TOP2A: variants seen among roughly 807,000 people sequenced by gnomAD.
TOP2A encodes the protein DNA topoisomerase II alpha.
In TOP2A, 68 loss-of-function variants were observed where a neutral mutation model predicts 187.2. The ratio of observed to expected loss-of-function variants is 0.36; its 90% CI spans 0.30 to 0.44. TOP2A has a LOEUF of 0.44. TOP2A is among the 20% of genes least tolerant of loss of function. TOP2A has a pLI of 1.00. For synonymous variants in TOP2A, 542 were observed against 593.2 expected (o/e 0.91, Z 1.25); for missense variants, 1,196 against 1,808.7 (o/e 0.66, Z 6.14).
chr17:40,402,783 G>A, intron 20 of TOP2A, 123 bp downstream of exon 20: 1 of 1,016,004 alleles, frequency 9.8e-7, no homozygotes, highest in Non-Finnish European at 1.4e-6. Context: ...CCTCACCCCT[G>A]GCCTCTGCCA....
chr17:40,395,587 A>AT (rs1159083602), intron 28 of TOP2A, 48 bp from the exon 29 acceptor site: 4 of 1,358,842 alleles, frequency 2.9e-6, no homozygotes, highest in Non-Finnish European at 4.1e-6. Context: ...ATTCTGAACT[A>AT]TGGGATTAGA....
Position 40,398,773 on chromosome 17 carries a change from T to C in TOP2A, c.3453A>G (p.Lys1151=). 6.2e-7 allele frequency: 1 copy of C among 1,608,124 alleles called. No homozygotes were observed. The highest frequency in any genetic ancestry group is 2.2e-5 in the East Asian group (1 of 44,810). ...KDELCRLRNE[K]EQELDTLKRK... is the part of the protein sequence containing the mutation. ...ATGTACCATCCTACTATCAACTCAC[T>C]TTTTCATTTCTTAGCCTGCAGAGTT... Residue 1151 remains lysine (K), a splice_region_variant and synonymous_variant, in exon 26 of 35, where the codon AAA becomes AAG. Coordinates refer to ENST00000423485, the MANE Select transcript of TOP2A (RefSeq NM_001067.4).
chr17:40,416,471 C>A lies in TOP2A; in HGVS notation c.219G>T (p.Arg73Ser). Residue 73 changes from arginine to serine, a missense_variant, in exon 3 of 35, where the codon AGG becomes AGT. Arg to Ser is a moderately radical substitution (Grantham distance 110, BLOSUM62 -1). Transcript: ENST00000423485. ...ACAAACCAGGAACAAAAGTGACTTC[C>A]CTATAGTTAATGCCAACATCTTCAT... The part of the protein sequence containing the change: ...VYDEDVGINY[R>S]EVTFVPGLYK... The A allele has an allele frequency of 6.2e-7, 1 of 1,605,304 alleles. No individual in the cohort carries two copies. The highest frequency in any genetic ancestry group is 1.1e-5 in the South Asian group (1 of 89,636).
Position 40,400,984 on chromosome 17 carries a change from T to C in TOP2A, c.2530A>G (p.Ile844Val), listed in dbSNP as rs377483360. 3.0e-5 allele frequency: 48 copies of C among 1,613,826 alleles called. No homozygotes were observed. The highest frequency in any genetic ancestry group is 2.9e-4 in the African/African-American group (22 of 74,904). The part of the protein sequence containing the change: ...QRVEPEWYIP[I>V]IPMVLINGAE... ...CCATTTATCAGCACCATGGGAATAATAGGAATGTACCATTCAGGCTCAACA... is the reference window on the plus strand; with the variant it reads ...CCATTTATCAGCACCATGGGAATAACAGGAATGTACCATTCAGGCTCAACA... Residue 844 changes from isoleucine to valine, a missense_variant, in exon 21 of 35, where the codon ATT becomes GTT. Coordinates refer to ENST00000423485, the MANE Select transcript of TOP2A (RefSeq NM_001067.4).
chr17:40,397,871 C>T (rs1475203312), intron 27 of TOP2A, among the ~76,000 whole-genome samples: 1 of 148,964 alleles, frequency 6.7e-6, no homozygotes, highest in Non-Finnish European at 1.5e-5. Context: ...ATCTGCCTCC[C>T]GAGTTCAAGT....
Position 40,399,929 on chromosome 17 carries a change from T to G in TOP2A, c.3139A>C (p.Lys1047Gln), listed in dbSNP as rs1767291147. ...LLGMLGAESA[K>Q]LNNQARFILE... ...ATAAAGCGAGCCTGATTATTCAGTTTAGCAGATTCAGCACCAAGCATTCCT... is the reference window on the plus strand; with the variant it reads ...ATAAAGCGAGCCTGATTATTCAGTTGAGCAGATTCAGCACCAAGCATTCCT... The change falls in exon 24 of 35, where the codon AAA becomes CAA. Residue 1047 changes from lysine to glutamine, a missense_variant. Lys to Gln is a moderately conservative substitution (Grantham distance 53). This residue lies in a region of TOP2A where 232 missense variants were observed against 306.1 expected (regional missense o/e 0.76). Coordinates refer to ENST00000423485, the MANE Select transcript of TOP2A (RefSeq NM_001067.4). 4 of 1,612,616 alleles carry G rather than the reference T, an allele frequency of 2.5e-6. No homozygotes were observed. Among genetic ancestry groups the G allele is most frequent in the Non-Finnish European group, 2.5e-6 (3 of 1,179,346 alleles).
At chr17:40,398,989 T>C in intron 25 of TOP2A, 51 bp downstream of exon 25, 3 of 1,598,324 alleles carry the variant, frequency 1.9e-6, no homozygotes, top group South Asian at 1.1e-5. Context: ...AACATAAACA[T>C]TGTACAATAC....
In TOP2A at chr17:40,417,520, C is replaced by T. The variant is rs1278729952; in HGVS notation, c.21+251G>A. 9.2e-6 allele frequency: 13 copies of T among 1,419,466 alleles called. No individual in the cohort carries two copies. In the East Asian group the frequency reaches 3.0e-4, roughly 33 times the overall value. The allele number at this position is 1,419,466 out of a possible 1,614,324, so 87.9% of individuals were successfully genotyped here. A position where few individuals can be genotyped will look rare whatever the true frequency, so the allele number is the denominator to read the frequency against. On this transcript the variant is annotated intron_variant, in intron 1 of 34. Transcript: ENST00000423485. ...GCTGTAACATGGATCCACTACGGGACCAACGGACTCCTGCCCCTAGAAACA... is the reference window on the plus strand; with the variant it reads ...GCTGTAACATGGATCCACTACGGGATCAACGGACTCCTGCCCCTAGAAACA...
In TOP2A at chr17:40,400,908, A is replaced by G; in HGVS notation, c.2606T>C (p.Val869Ala). 6.2e-7 allele frequency: 1 copy of G among 1,614,008 alleles called. No individual in the cohort carries two copies. The highest frequency in any genetic ancestry group is 1.1e-5 in the South Asian group (1 of 91,088). The stretch of plus-strand genomic sequence containing the variant: ...CCTGATGTTATTTACAATTTCACGC[A>G]CATCAAAGTTGGGGATTTTGCAGGA... ...GWSCKIPNFDVREIVNNIRRL... is the reference protein window; with the variant it reads ...GWSCKIPNFDAREIVNNIRRL... Residue 869 changes from valine (V) to alanine (A), a missense_variant, in exon 21 of 35, where the codon GTG (valine) becomes GCG (alanine). By Grantham distance (64) the Val-to-Ala change is moderately conservative. This residue lies in a region of TOP2A where 232 missense variants were observed against 306.1 expected (regional missense o/e 0.76). Transcript: ENST00000423485.
intron 27 of TOP2A, 66 bp downstream of exon 27, chr17:40,398,492 G>C (rs1453284624): frequency 4.5e-6 from 6 of 1,336,240 alleles, no homozygotes; most frequent in Non-Finnish European, 5.1e-6. Flanking sequence ...TCTTGACAAA[G>C]GTATACTGCT....
In TOP2A at chr17:40,416,081, A is replaced by G; in HGVS notation, c.269-13T>C. On this transcript the variant is annotated splice_polypyrimidine_tract_variant and intron_variant, in intron 3 of 34. Coordinates refer to ENST00000423485, the MANE Select transcript of TOP2A (RefSeq NM_001067.4). ...TCCGCAGCATTAACTGAAAGAAAAT[A>G]AAATATACATTTGTAAGAAATTAGT... 6.5e-7 allele frequency: 1 copy of G among 1,535,338 alleles called. No homozygotes were observed. The highest frequency in any genetic ancestry group is 8.9e-7 in the Non-Finnish European group (1 of 1,126,460).
At chr17:40,405,357 G>A (rs1342422133) in intron 16 of TOP2A, among the ~76,000 whole-genome samples, 1 of 151,634 alleles carries the variant, frequency 6.6e-6, no homozygotes, top group Non-Finnish European at 1.5e-5. Context: ...CACCATGTTG[G>A]TCAGGCTGGT....
At chr17:40,415,488 T>C (rs760203490) in intron 4 of TOP2A, among the ~76,000 whole-genome samples, 1 of 152,222 alleles carries the variant, frequency 6.6e-6, no homozygotes, top group Non-Finnish European at 1.5e-5. Flanking sequence ...CCCGCATTTA[T>C]AAGCAGAAAT....
chr17:40,408,453 ATAAGACT>A, intron 11 of TOP2A, 32 bp downstream of exon 11: 1 of 1,572,822 alleles, frequency 6.4e-7, no homozygotes, highest in Non-Finnish European at 8.6e-7. Context: ...AATAACAACT[ATAAGACT>A]TAAAAGTTTG....
intron 10 of TOP2A, chr17:40,410,535 C>A: frequency 2.5e-6 from 1 of 403,262 alleles, no homozygotes; most frequent in East Asian, 8.0e-5. Context: ...AAAAGCATTC[C>A]AAGGAAAGGA....
At chr17:40,405,475 G>A (rs1402589516) in intron 16 of TOP2A, among the ~76,000 whole-genome samples, 1 of 113,318 alleles carries the variant, frequency 8.8e-6, no homozygotes, top group African/African-American at 3.4e-5. Flanking sequence ...TTTTTTTTGA[G>A]ACAGAGTCTC....
At position 40,408,547 on chromosome 17, in the gene TOP2A, A is replaced by G. The variant is rs777001268; in HGVS notation, c.1287T>C (p.Ala429=). The change falls in exon 11 of 35, where the codon GCT becomes GCC. Residue 429 remains alanine, a synonymous_variant. Coordinates refer to ENST00000423485, the MANE Select transcript of TOP2A (RefSeq NM_001067.4). The part of the protein sequence containing the change: ...AQVQLNKKCS[A]VKHNRIKGIP... ...TTCCCTTGATTCTATTATGTTTTAC[A>G]GCTGAACACTTCTTGTTTAACTGGA... 1.2e-6 allele frequency: 2 copies of G among 1,613,882 alleles called. No homozygotes were observed. The highest frequency in any genetic ancestry group is 2.2e-5 in the South Asian group (2 of 91,080).
intron 17 of TOP2A, 123 bp from the exon 18 acceptor site, chr17:40,404,614 GAAT>G: frequency 4.3e-6 from 3 of 705,640 alleles, no homozygotes; most frequent in Non-Finnish European, 4.7e-6. Flanking sequence ...AAAAAATATT[GAAT>G]AATACAGAAA....
Position 40,411,611 on chromosome 17 carries a change from T to C in TOP2A, c.963+34A>G. On this transcript the variant is annotated intron_variant, in intron 8 of 34. Transcript: ENST00000423485. The surrounding 1 kb of genome is among the most constrained non-coding windows in gnomAD (Gnocchi z 4.4). ...CAATAAGAACACATATATGTAAAGA[T>C]AAATCATGATTAATAATTTAAGAAT... The C allele has an allele frequency of 6.3e-7, 1 of 1,591,622 alleles. No homozygotes were observed. The highest frequency in any genetic ancestry group is 8.6e-7 in the Non-Finnish European group (1 of 1,166,670).
Sources: allele counts gnomAD v4.1 joint callset (sites outside exome capture counted in the v4.1 genomes callset), GRCh38; gene constraint gnomAD v4.1.1; regional missense constraint gnomAD v4.1.1; non-coding constraint Gnocchi (gnomAD v3.1); transcripts MANE v1.5; gene names NCBI Gene and HGNC (gene_info 2026-07-23, HGNC 2026-07-21).